The following NEK1 variants were observed in gnomAD, a reference collection of about 807,000 sequenced individuals.
NEK1 encodes the protein serine/threonine-protein kinase Nek1.
In NEK1, 137 loss-of-function variants were observed where a neutral mutation model predicts 182.1. The observed-to-expected ratio is 0.75, with a 90% CI of 0.65 to 0.87. NEK1 has a LOEUF of 0.87. Ranked by LOEUF, NEK1 falls within the 40% of genes least tolerant of loss-of-function variation. NEK1 has a pLI of 0.00. For missense variants in NEK1, 1,391 were observed against 1,494.4 expected, an observed-to-expected ratio of 0.93 and a Z score of 1.14; for synonymous variants, 513 against 492.2, an observed-to-expected ratio of 1.04 and a Z score of -0.56.
intron 27 of NEK1, among the ~76,000 whole-genome samples, chr4:169,449,099 G>A (rs749439785): frequency 2.0e-5 from 3 of 152,226 alleles, no homozygotes; most frequent in African/African-American, 4.8e-5. Context: ...AGCCTGACTC[G>A]GGGAGGGGCA....
chr4:169,459,589 A>G (rs943049128), intron 27 of NEK1, among the ~76,000 whole-genome samples: 3 of 152,246 alleles, frequency 2.0e-5, no homozygotes, highest in Non-Finnish European at 4.4e-5. Flanking sequence ...TGTTTATATC[A>G]TCTTTATTCA....
chr4:169,512,318 G>A (rs771244558), intron 19 of NEK1, among the ~76,000 whole-genome samples: 14 of 151,988 alleles, frequency 9.2e-5, no homozygotes, highest in Non-Finnish European at 1.9e-4. Context: ...CATTTTGATA[G>A]GTGTGAAGTG....
intron 23 of NEK1, among the ~76,000 whole-genome samples, chr4:169,495,105 T>C (rs1420749170): frequency 4.6e-5 from 7 of 152,066 alleles, no homozygotes; most frequent in African/African-American, 1.7e-4. Context: ...TTAGATCCCA[T>C]TTGTCAATTT....
intron 11 of NEK1, among the ~76,000 whole-genome samples, chr4:169,578,416 A>G (rs1473317562): frequency 1.3e-5 from 2 of 152,206 alleles, no homozygotes; most frequent in African/African-American, 2.4e-5. Flanking sequence ...TGCTAAATCA[A>G]TTTAAATCAA....
chr4:169,531,617 G>A (rs536877228), intron 19 of NEK1, among the ~76,000 whole-genome samples: 1 of 152,142 alleles, frequency 6.6e-6, no homozygotes, highest in African/African-American at 2.4e-5. Context: ...AGATGGTATG[G>A]CATAGAATAG....
intron 12 of NEK1, among the ~76,000 whole-genome samples, chr4:169,573,916 T>C (rs1378256719): frequency 6.6e-6 from 1 of 152,110 alleles, no homozygotes; most frequent in Non-Finnish European, 1.5e-5. Flanking sequence ...CCCAGCACTT[T>C]TTGGGCAGCC....
chr4:169,452,692 C>T (rs1320728776), intron 27 of NEK1, among the ~76,000 whole-genome samples: 2 of 152,090 alleles, frequency 1.3e-5, no homozygotes, highest in Admixed American at 6.5e-5. Flanking sequence ...TTATGACAAA[C>T]CCACAGCCAG....
chr4:169,450,459 C>T (rs1181088893), intron 27 of NEK1, among the ~76,000 whole-genome samples: 1 of 152,176 alleles, frequency 6.6e-6, no homozygotes, highest in Non-Finnish European at 1.5e-5. Context: ...AAGGGAAGCC[C>T]ATCAGACTAA....
chr4:169,457,663 AGAAG>A (rs112292744), intron 27 of NEK1, among the ~76,000 whole-genome samples: 22,598 of 128,184 alleles, frequency 0.18, 3,154 homozygotes, highest in African/African-American at 0.38. Flanking sequence ...GCAGGGGGAG[AGAAG>A]GAAGGAAGGA....
rs1747101034 is a variant in NEK1, at chr4:169,477,141, G to A, written c.2417C>T (p.Ser806Phe). The change falls in exon 26 of 36, where the codon TCC becomes TTC. Residue 806 changes from serine (S) to phenylalanine (F), a missense_variant. Around this residue, in one of 5 missense-constraint regions of NEK1, gnomAD observed 1,216 missense variants for 1,277.6 expected, o/e 0.95. Transcript: ENST00000507142. Reference sequence around the variant, plus strand: ...ATACATACTTTCAGTTGTAGAGAAGGATGTATCTAGTGTTAACTCATCCAG... The same window carrying A: ...ATACATACTTTCAGTTGTAGAGAAGAATGTATCTAGTGTTAACTCATCCAG... ...IPLDELTLDT[S>F]FSTTERHTVG... 1 of 1,599,122 alleles carries A rather than the reference G, an allele frequency of 6.3e-7. No homozygotes were observed. Among genetic ancestry groups the A allele is most frequent in the Admixed American group, 1.7e-5 (1 of 58,596 alleles).
In NEK1 at chr4:169,540,658, C is replaced by T. The variant is rs558835310; in HGVS notation, c.1563-2747G>A. Among the ~76,000 whole-genome samples, 4 of 152,122 alleles carry T rather than the reference C, an allele frequency of 2.6e-5. No homozygotes were observed. In the East Asian group the frequency reaches 7.7e-4, roughly 29 times the overall value. On this transcript the variant is annotated intron_variant, in intron 18 of 35. Transcript: ENST00000507142. ...TCTTTTGAGTTCCAGAATTATACCA[C>T]TTAAAATCAGTAAAACACTGACCCC...
intron 16 of NEK1, 127 bp from the exon 17 acceptor site, chr4:169,556,222 C>T (rs1762146795): frequency 2.4e-6 from 2 of 822,524 alleles, no homozygotes; most frequent in Non-Finnish European, 1.8e-6. Context: ...TATGAACATA[C>T]TAACAAACAT....
At chr4:169,419,942 TG>T (rs1293359241) in intron 31 of NEK1, among the ~76,000 whole-genome samples, 1 of 152,186 alleles carries the variant, frequency 6.6e-6, no homozygotes, top group East Asian at 1.9e-4. Context: ...CTTGTGGAAC[TG>T]GAAGTTGCCC....
In NEK1 at chr4:169,395,962, T is replaced by C. The variant is rs115416366; in HGVS notation, c.3848-1439A>G. On this transcript the variant is annotated intron_variant, in intron 35 of 35. Coordinates refer to ENST00000507142, the MANE Select transcript of NEK1 (RefSeq NM_001199397.3). ...TTGTGGGGCTTATCCATATTGACAG[T>C]CGGAATTTAATTCATTCATTTTAGC... Among the ~76,000 whole-genome samples the C allele has an allele frequency of 9.1e-3, 1,393 of 152,310 alleles. 24 individuals are homozygous for C. Among genetic ancestry groups the C allele is most frequent in the African/African-American group, 0.032 (1,312 of 41,574 alleles).
At chr4:169,436,719 A>G (rs1197888977) in intron 28 of NEK1, among the ~76,000 whole-genome samples, 1 of 152,248 alleles carries the variant, frequency 6.6e-6, no homozygotes, top group Non-Finnish European at 1.5e-5. Context: ...AATTTAGGAC[A>G]GTAGGGTGTG....
intron 19 of NEK1, among the ~76,000 whole-genome samples, chr4:169,510,955 G>T (rs6846589): frequency 0.024 from 3,592 of 152,164 alleles, 109 homozygotes; most frequent in South Asian, 0.065. Flanking sequence ...TTTCTTTATA[G>T]AAACCTCTCA....
chr4:169,469,946 CTTTT>C (rs61539003), intron 26 of NEK1, among the ~76,000 whole-genome samples: 3 of 118,904 alleles, frequency 2.5e-5, no homozygotes, highest in Non-Finnish European at 3.5e-5. Flanking sequence ...GCAACCCCTG[CTTTT>C]TTTTTTTTTT....
At chr4:169,549,353 C>G (rs747558503) in intron 18 of NEK1, among the ~76,000 whole-genome samples, 3 of 152,176 alleles carry the variant, frequency 2.0e-5, no homozygotes, top group Non-Finnish European at 4.4e-5. Flanking sequence ...GAATCACACG[C>G]CTTCTGTGCC....
At chr4:169,461,766 G>C (rs567187354) in intron 27 of NEK1, among the ~76,000 whole-genome samples, 1 of 152,126 alleles carries the variant, frequency 6.6e-6, no homozygotes, top group East Asian at 1.9e-4. Flanking sequence ...GAACTTTGTG[G>C]GTACTTTTTA....
Sources: gnomAD v4.1 joint callset for allele counts (sites outside exome capture counted in the v4.1 genomes callset) on GRCh38, gnomAD v4.1.1 for gene constraint, gnomAD v4.1.1 regional missense constraint, MANE v1.5 for transcripts, NCBI Gene and HGNC (gene_info 2026-07-23, HGNC 2026-07-21) for gene names.